The following C16orf87 variants were observed in gnomAD, a reference collection of about 807,000 sequenced individuals.
The protein encoded by C16orf87 is UPF0547 protein C16orf87.
C16orf87 carries 13 observed loss-of-function variants against 21.0 expected under a neutral mutation model. That is an observed-to-expected ratio of 0.62 (90% confidence interval 0.40 to 0.98). C16orf87 has a LOEUF of 0.98. C16orf87 is among the 50% of genes least tolerant of loss of function. C16orf87 has a pLI of 0.00. For missense variants in C16orf87, 113 were observed against 180.4 expected (o/e 0.63, Z 2.14); for synonymous variants, 49 against 60.2 (o/e 0.81, Z 0.86).
At chr16:46,807,472 T>C (rs1198462078) in intron 3 of C16orf87, among the ~76,000 whole-genome samples, 9 of 151,714 alleles carry the variant, frequency 5.9e-5, no homozygotes. Flanking sequence ...TGGCAAACTA[T>C]AGTACAAGTA....
rs923520149 is a variant in C16orf87 at position 46,797,490 on chromosome 16, G to A, written c.*5462C>T. 9 of 152,322 alleles carry A rather than the reference G, an allele frequency of 5.9e-5. No homozygotes were observed. The highest frequency in any genetic ancestry group is 2.2e-4 in the African/African-American group (9 of 41,436). 9.4% of individuals were successfully genotyped at this position (152,322 alleles called of 1,614,324 possible). A position where few individuals can be genotyped will look rare whatever the true frequency, so the allele number is the denominator to read the frequency against. ...AGCCTCCTGAGTAGCTGGGACTACA[G>A]GAACATGCTACCACGCCTAGCTAAT... On this transcript the variant is annotated 3_prime_UTR_variant, in exon 4 of 4. Coordinates refer to ENST00000285697, the MANE Select transcript of C16orf87 (RefSeq NM_001001436.4).
chr16:46,809,657 G>A lies in C16orf87; in HGVS notation c.292C>T (p.Arg98Ter), dbSNP rs1394247141. The change falls in exon 3 of 4, where the codon CGA (arginine) becomes TGA (stop). Residue 98 changes from arginine (R) to a stop codon, truncating the protein, a stop_gained. Transcript: ENST00000285697. LOFTEE classifies it high-confidence loss of function. ...RSNSHSDHIRRGRGRPKSASA... is the reference protein window; with the variant it reads ...RSNSHSDHIR ...GCACTTTTAGGTCTTCCTCTTCCTC[G>A]TCTGATATGATCTGAATGGCTGTTA... The A allele has an allele frequency of 6.8e-6, 11 of 1,610,676 alleles. No homozygotes were observed. The highest frequency in any genetic ancestry group is 9.3e-6 in the Non-Finnish European group (11 of 1,178,072).
At chr16:46,821,611 C>A (rs562345042) in intron 2 of C16orf87, among the ~76,000 whole-genome samples, 3 of 152,200 alleles carry the variant, frequency 2.0e-5, no homozygotes, top group Non-Finnish European at 4.4e-5. Context: ...TAAAACTCAT[C>A]GCCATGACTT....
chr16:46,824,060 CA>C (rs1417916937), intron 2 of C16orf87, among the ~76,000 whole-genome samples: 1 of 152,182 alleles, frequency 6.6e-6, no homozygotes, highest in East Asian at 1.9e-4. Context: ...CCAATTTACT[CA>C]ATGTCAATTA....
At chr16:46,815,755 G>T (rs1003417515) in intron 2 of C16orf87, among the ~76,000 whole-genome samples, 2 of 152,166 alleles carry the variant, frequency 1.3e-5, no homozygotes, top group African/African-American at 4.8e-5. Flanking sequence ...AAAATAAAGT[G>T]TTGGTGAGGA....
chr16:46,804,148 G>C (rs1967854555), intron 3 of C16orf87, among the ~76,000 whole-genome samples: 1 of 152,120 alleles, frequency 6.6e-6, no homozygotes, highest in Non-Finnish European at 1.5e-5. Flanking sequence ...TGTATAAATT[G>C]TTTTTCAGGA....
chr16:46,828,557 A>T (rs1391884522), intron 1 of C16orf87, among the ~76,000 whole-genome samples: 1 of 152,220 alleles, frequency 6.6e-6, no homozygotes, highest in African/African-American at 2.4e-5. Flanking sequence ...GATATGTTCA[A>T]TAGAAGCCTG....
intron 1 of C16orf87, among the ~76,000 whole-genome samples, chr16:46,827,440 A>T (rs1290482690): frequency 6.6e-6 from 1 of 152,200 alleles, no homozygotes; most frequent in Non-Finnish European, 1.5e-5. Flanking sequence ...TGAAATTCTA[A>T]TATTACACTT....
At chr16:46,822,345 G>A (rs576677444) in intron 2 of C16orf87, among the ~76,000 whole-genome samples, 2 of 152,306 alleles carry the variant, frequency 1.3e-5, no homozygotes, top group African/African-American at 4.8e-5. Flanking sequence ...CAAGGACCAT[G>A]TCTTATTCAT....
intron 2 of C16orf87, among the ~76,000 whole-genome samples, chr16:46,811,656 T>C (rs1387254002): frequency 2.0e-5 from 3 of 151,956 alleles, no homozygotes; most frequent in African/African-American, 7.3e-5. Context: ...AAGAGGTTAT[T>C]CAAGGAATAT....
rs1452893386 is a variant in C16orf87 at position 46,802,915 on chromosome 16, T to C, written c.*37A>G. On this transcript the variant is annotated 3_prime_UTR_variant, in exon 4 of 4. Transcript: ENST00000285697. ...ACTGTTTGAGAATTTGCTGATGTTA[T>C]CCTGACAGAAGTTTCAGCAGATTTT... 1.0e-6 allele frequency: 1 copy of C among 979,724 alleles called. No homozygotes were observed. The highest frequency in any genetic ancestry group is 1.8e-5 in the Admixed American group (1 of 57,014). 60.7% of individuals were successfully genotyped at this position (979,724 alleles called of 1,614,324 possible).
chr16:46,803,993 T>G (rs1967849012), intron 3 of C16orf87, among the ~76,000 whole-genome samples: 1 of 152,216 alleles, frequency 6.6e-6, no homozygotes. Context: ...AAATCACAAC[T>G]TTAGTAACAT....
intron 3 of C16orf87, among the ~76,000 whole-genome samples, chr16:46,804,298 T>C (rs1967859687): frequency 6.6e-6 from 1 of 152,250 alleles, no homozygotes; most frequent in African/African-American, 2.4e-5. Context: ...ATCAGCATCA[T>C]GCTGGAGACT....
chr16:46,805,067 C>A (rs1221503186), intron 3 of C16orf87, among the ~76,000 whole-genome samples: 1 of 152,140 alleles, frequency 6.6e-6, no homozygotes, highest in African/African-American at 2.4e-5. Flanking sequence ...TATAATTTCT[C>A]TTTTTAACCA....
chr16:46,829,581 T>C (rs755330369), intron 1 of C16orf87, among the ~76,000 whole-genome samples: 17 of 152,180 alleles, frequency 1.1e-4, no homozygotes, highest in Non-Finnish European at 1.6e-4. Flanking sequence ...ACTGGAATAA[T>C]TGGAAATGAT....
chr16:46,805,056 G>T (rs1967886573), intron 3 of C16orf87, among the ~76,000 whole-genome samples: 1 of 152,062 alleles, frequency 6.6e-6, no homozygotes, highest in Admixed American at 6.6e-5. Context: ...ACGAACTCTG[G>T]TATAATTTCT....
chr16:46,825,161 A>G (rs1460309985), intron 1 of C16orf87, among the ~76,000 whole-genome samples: 1 of 152,258 alleles, frequency 6.6e-6, no homozygotes, highest in African/African-American at 2.4e-5. Context: ...TTTACGGTAT[A>G]GAACAAATTT....
At chr16:46,830,185 T>C (rs1363043388) in intron 1 of C16orf87, among the ~76,000 whole-genome samples, 1 of 151,348 alleles carries the variant, frequency 6.6e-6, no homozygotes, top group East Asian at 1.9e-4. Flanking sequence ...ATTACAACTA[T>C]TACACCATGA....
At position 46,802,797 on chromosome 16, in the gene C16orf87, G is replaced by C; in HGVS notation, c.*155C>G. The C allele has an allele frequency of 1.7e-6, 1 of 572,752 alleles. No individual in the cohort carries two copies. Among genetic ancestry groups the C allele is most frequent in the East Asian group, 2.9e-5 (1 of 34,226 alleles). The allele number at this position is 572,752 out of a possible 1,614,324, so 35.5% of individuals were successfully genotyped here. A position where few individuals can be genotyped will look rare whatever the true frequency, so the allele number is the denominator to read the frequency against. On this transcript the variant is annotated 3_prime_UTR_variant, in exon 4 of 4. Transcript: ENST00000285697. ...GAACAGTCCAAGCCTACACAGCTTT[G>C]CTCCCGAAGTGTGGCACAGGCTAAA...
Sources: gnomAD v4.1 joint callset for allele counts (sites outside exome capture counted in the v4.1 genomes callset) on GRCh38, gnomAD v4.1.1 for gene constraint, MANE v1.5 for transcripts, NCBI Gene and HGNC (gene_info 2026-07-23, HGNC 2026-07-21) for gene names.